SETX: variants seen among roughly 807,000 people sequenced by gnomAD.
The protein encoded by SETX is senataxin.
In SETX, 90 loss-of-function variants were observed where a neutral mutation model predicts 227.2. That is an observed-to-expected ratio of 0.40 (90% CI 0.33 to 0.47). SETX has a LOEUF of 0.47. Among genes scored for constraint, SETX ranks in the 20% least tolerant of loss-of-function variants. SETX has a pLI of 0.91. For synonymous variants in SETX, 1,210 were observed against 1,113.2 expected (o/e 1.09, Z -1.73); for missense variants, 3,052 against 3,181.5 (o/e 0.96, Z 0.98).
At chr9:132,337,177 A>G (rs964813694) in intron 5 of SETX, among the ~76,000 whole-genome samples, 1 of 152,122 alleles carries the variant, frequency 6.6e-6, no homozygotes, top group Non-Finnish European at 1.5e-5. Flanking sequence ...GATTTGCTCT[A>G]AACTAATCTA....
intron 17 of SETX, among the ~76,000 whole-genome samples, chr9:132,286,791 T>C (rs1301154491): frequency 6.6e-6 from 1 of 152,204 alleles, no homozygotes; most frequent in Non-Finnish European, 1.5e-5. Context: ...ACCCCAACCA[T>C]TCCTCTGGCC....
chr9:132,289,524 A>C (rs1844155283), intron 15 of SETX, among the ~76,000 whole-genome samples: 1 of 151,916 alleles, frequency 6.6e-6, no homozygotes, highest in Non-Finnish European at 1.5e-5. Context: ...CTTTGTCACC[A>C]CTGCACTTCG....
intron 15 of SETX, among the ~76,000 whole-genome samples, chr9:132,291,316 C>T: frequency 6.6e-6 from 1 of 151,644 alleles, no homozygotes; most frequent in African/African-American, 2.4e-5. Flanking sequence ...ACAGGCGCCC[C>T]CCACCACGCC....
At chr9:132,310,468 T>C (rs959522877) in intron 11 of SETX, among the ~76,000 whole-genome samples, 2 of 152,340 alleles carry the variant, frequency 1.3e-5, no homozygotes, top group East Asian at 3.9e-4. Flanking sequence ...GCATTATTCA[T>C]AACATGCTGT....
At chr9:132,304,422 G>C (rs1336230148) in intron 11 of SETX, among the ~76,000 whole-genome samples, 1 of 151,812 alleles carries the variant, frequency 6.6e-6, no homozygotes, top group Non-Finnish European at 1.5e-5. Context: ...TGCAGAAAAG[G>C]GTGTCACTGA....
At chr9:132,335,261 G>GGCGCGGTGGCGC (rs1229618722) in intron 6 of SETX, among the ~76,000 whole-genome samples, 1 of 151,400 alleles carries the variant, frequency 6.6e-6, no homozygotes, top group Non-Finnish European at 1.5e-5. Flanking sequence ...CGTGGTGGCA[G>GGCGCGGTGGCGC]GCGCCTGTGG....
In SETX at chr9:132,329,668, T is replaced by C. The variant is rs1368180615; in HGVS notation, c.1930A>G (p.Thr644Ala). 1.9e-6 allele frequency: 3 copies of C among 1,613,858 alleles called. No individual in the cohort carries two copies. The highest frequency in any genetic ancestry group is 1.7e-5 in the Admixed American group (1 of 59,980). Residue 644 changes from threonine (T) to alanine (A), a missense_variant, in exon 10 of 26, where the codon ACA becomes GCA. Thr to Ala is a moderately conservative substitution (Grantham distance 58). Around this residue, in one of 10 missense-constraint regions of SETX, gnomAD observed 1,483 missense variants for 1,312.0 expected, o/e 1.13. Coordinates refer to ENST00000224140, the MANE Select transcript of SETX (RefSeq NM_015046.7). ...DMHCLEASSPTFSKEPMKVQD... is the reference protein window; with the variant it reads ...DMHCLEASSPAFSKEPMKVQD... ...ACTTTCATTGGTTCTTTAGAAAATG[T>C]TGGGCTGGAAGCTTCCAAACAATGC...
chr9:132,281,573 G>T lies in SETX; in HGVS notation c.6548C>A (p.Ala2183Asp), dbSNP rs1328693791. 1.2e-6 allele frequency: 2 copies of T among 1,605,622 alleles called. No individual in the cohort carries two copies. Among genetic ancestry groups the T allele is most frequent in the Non-Finnish European group, 1.7e-6 (2 of 1,172,358 alleles). ...AGTCTCAATTTCACAAGACTGTCCA[G>T]CCTTGGTAAGATACAGAAGAGAGAG... is the stretch of plus-strand genomic sequence containing the variant. ...VPFSCVIVDE[A>D]GQSCEIETLT... The change falls in exon 20 of 26, where the codon GCT (alanine) becomes GAT (aspartate). Residue 2183 changes from alanine (A) to aspartate (D), a missense_variant and splice_region_variant. Physicochemically the swap from Ala to Asp is moderately radical, Grantham distance 126 (BLOSUM62 -2). Around this residue, in one of 10 missense-constraint regions of SETX, gnomAD observed 412 missense variants for 589.0 expected, o/e 0.70. Transcript: ENST00000224140.
At chr9:132,282,316 G>A (rs1340082309) in intron 19 of SETX, among the ~76,000 whole-genome samples, 2 of 141,794 alleles carry the variant, frequency 1.4e-5, no homozygotes, top group African/African-American at 5.4e-5. Context: ...TTTTTTTTGA[G>A]AGAGAGAGTC....
intron 7 of SETX, among the ~76,000 whole-genome samples, chr9:132,333,906 T>A (rs559466463): frequency 1.3e-5 from 2 of 152,198 alleles, no homozygotes; most frequent in African/African-American, 4.8e-5. Flanking sequence ...TTAATTTTAA[T>A]TGACTTAAAT....
chr9:132,276,704 A>C (rs933587185), intron 22 of SETX, among the ~76,000 whole-genome samples: 10 of 152,118 alleles, frequency 6.6e-5, no homozygotes, highest in Non-Finnish European at 1.2e-4. Flanking sequence ...TCACATTTTC[A>C]TTCAACTGAA....
chr9:132,264,988 T>C lies in SETX; in HGVS notation c.7288-3A>G, dbSNP rs1842568623. Reference sequence around the variant, plus strand: ...AGCTGATTCCAATGCTGGTTTTCCTTGAAACAATGAGAAGGGAGAAATAAT... The same window carrying C: ...AGCTGATTCCAATGCTGGTTTTCCTCGAAACAATGAGAAGGGAGAAATAAT... On this transcript the variant is annotated splice_polypyrimidine_tract_variant and splice_region_variant and intron_variant, in intron 25 of 25. Coordinates refer to ENST00000224140, the MANE Select transcript of SETX (RefSeq NM_015046.7). The C allele has an allele frequency of 1.2e-6, 2 of 1,612,930 alleles. No individual in the cohort carries two copies. The highest frequency in any genetic ancestry group is 4.5e-5 in the East Asian group (2 of 44,876).
chr9:132,271,695 A>G lies in SETX; in HGVS notation c.7199+15T>C. 1 of 1,597,754 alleles carries G rather than the reference A, an allele frequency of 6.3e-7. No individual in the cohort carries two copies. The highest frequency in any genetic ancestry group is 8.6e-7 in the Non-Finnish European group (1 of 1,165,004). ...TGTATACAAGTATAAAAGAGCAACA[A>G]TGACAGTAACTCACCCAATTGAACC... On this transcript the variant is annotated intron_variant, in intron 24 of 25. Transcript: ENST00000224140.
chr9:132,335,787 T>C (rs962769872), intron 6 of SETX, among the ~76,000 whole-genome samples: 2 of 152,210 alleles, frequency 1.3e-5, no homozygotes, highest in African/African-American at 4.8e-5. Context: ...AATGTACTGC[T>C]TACTACAGAA....
chr9:132,296,826 A>C (rs563304183), intron 14 of SETX, 61 bp downstream of exon 14: 12 of 1,461,790 alleles, frequency 8.2e-6, no homozygotes, highest in Non-Finnish European at 1.2e-5. Context: ...ATGTCAGTTA[A>C]CTCAAGTAAA....
intron 22 of SETX, among the ~76,000 whole-genome samples, chr9:132,276,237 T>C (rs1354357699): frequency 1.3e-5 from 2 of 152,188 alleles, no homozygotes; most frequent in African/African-American, 2.4e-5. Flanking sequence ...GAAATCCTCA[T>C]GATGCTCTGC....
chr9:132,289,376 A>G (rs1844144243), intron 15 of SETX, among the ~76,000 whole-genome samples: 1 of 152,210 alleles, frequency 6.6e-6, no homozygotes, highest in Non-Finnish European at 1.5e-5. Context: ...TGTATGACAC[A>G]CGGCTCTCCT....
intron 23 of SETX, among the ~76,000 whole-genome samples, chr9:132,272,075 G>T (rs949864387): frequency 2.0e-5 from 3 of 151,918 alleles, no homozygotes; most frequent in African/African-American, 7.3e-5. Context: ...GTAGAGACTG[G>T]GTTTCACTGT....
Position 132,326,537 on chromosome 9 carries a change from T to C in SETX, c.5061A>G (p.Pro1687=). The C allele has an allele frequency of 6.2e-7, 1 of 1,614,210 alleles. No homozygotes were observed. Among genetic ancestry groups the C allele is most frequent in the Non-Finnish European group, 8.5e-7 (1 of 1,180,032 alleles). The change falls in exon 10 of 26, where the codon CCA becomes CCG. Residue 1687 remains proline, a synonymous_variant. Coordinates refer to ENST00000224140, the MANE Select transcript of SETX (RefSeq NM_015046.7). The stretch of plus-strand genomic sequence containing the variant: ...ACTGTGATGACAAAAGAATGTTTAC[T>C]GGAGAGGAAGATGGAAAATATTTGC... ...GESKYFPSSS[P]VNILLSSQSV... is the part of the protein sequence containing the mutation.
Sources: allele counts gnomAD v4.1 joint callset (sites outside exome capture counted in the v4.1 genomes callset), GRCh38; gene constraint gnomAD v4.1.1; regional missense constraint gnomAD v4.1.1; transcripts MANE v1.5; gene names NCBI Gene and HGNC (gene_info 2026-07-23, HGNC 2026-07-21).